The following KIAA1217 variants were observed in gnomAD, a reference collection of about 807,000 sequenced individuals.
KIAA1217 encodes the protein sickle tail protein homolog.
Under a neutral mutation model 163.9 loss-of-function variants are expected in KIAA1217, and 88 were observed. The ratio of observed to expected loss-of-function variants is 0.54; its 90% CI spans 0.45 to 0.64. KIAA1217 has a LOEUF of 0.64. Among genes scored for constraint, KIAA1217 ranks in the 30% least tolerant of loss-of-function variants. KIAA1217 has a pLI of 0.00. For missense variants in KIAA1217, 2,372 were observed against 2,475.0 expected (o/e 0.96, Z 0.88); for synonymous variants, 903 against 923.1 (o/e 0.98, Z 0.39).
chr10:24,544,279 A>G lies in KIAA1217; in HGVS notation c.5009A>G (p.Glu1670Gly). The stretch of plus-strand genomic sequence containing the variant: ...ACCTACAGAACATTGGATAGCCTGG[A>G]GCAGACCATTAAACAGCTCGAAAAT... ...KNTYRTLDSLEQTIKQLENTI... is the reference protein window; with the variant it reads ...KNTYRTLDSLGQTIKQLENTI... The change falls in exon 19 of 21, where the codon GAG becomes GGG. Residue 1670 changes from glutamate to glycine, a missense_variant. Coordinates refer to ENST00000376454, the MANE Select transcript of KIAA1217 (RefSeq NM_019590.5). The G allele has an allele frequency of 6.2e-7, 1 of 1,614,172 alleles. No individual in the cohort carries two copies. The highest frequency in any genetic ancestry group is 8.5e-7 in the Non-Finnish European group (1 of 1,180,050).
chr10:24,056,243 G>A (rs1025817199), intron 2 of KIAA1217, among the ~76,000 whole-genome samples: 2 of 152,026 alleles, frequency 1.3e-5, no homozygotes, highest in Non-Finnish European at 2.9e-5. Context: ...TGGGAGGATC[G>A]CTTGAGCCTG....
At chr10:24,019,830 A>G (rs1202957888) in intron 2 of KIAA1217, among the ~76,000 whole-genome samples, 12 of 152,196 alleles carry the variant, frequency 7.9e-5, no homozygotes, top group African/African-American at 2.9e-4. Context: ...AAGATAATCT[A>G]AAAAATAAAA....
At chr10:23,827,824 A>G (rs1188893914) in intron 1 of KIAA1217, among the ~76,000 whole-genome samples, 1 of 152,166 alleles carries the variant, frequency 6.6e-6, no homozygotes. Context: ...TGACAACAAG[A>G]CAAAGACAAA....
intron 2 of KIAA1217, among the ~76,000 whole-genome samples, chr10:24,365,336 C>T (rs1011480854): frequency 6.6e-6 from 1 of 152,050 alleles, no homozygotes; most frequent in African/African-American, 2.4e-5. Flanking sequence ...CTGTGGTTGT[C>T]CTGGTTCTCC....
intron 3 of KIAA1217, among the ~76,000 whole-genome samples, chr10:24,397,588 C>G (rs1318375149): frequency 6.6e-6 from 1 of 152,102 alleles, no homozygotes; most frequent in Non-Finnish European, 1.5e-5. Flanking sequence ...AAGATCTTAT[C>G]TGGATAACTG....
chr10:24,218,337 C>T (rs896848747), intron 1 of KIAA1217, among the ~76,000 whole-genome samples: 1 of 152,148 alleles, frequency 6.6e-6, no homozygotes, highest in Admixed American at 6.6e-5. Context: ...CAGAAACCAA[C>T]TTGTCCCTTC....
intron 2 of KIAA1217, among the ~76,000 whole-genome samples, chr10:24,221,432 T>G (rs1253653574): frequency 2.6e-5 from 4 of 152,212 alleles, no homozygotes; most frequent in Admixed American, 2.6e-4. Context: ...GTTTTAAGTC[T>G]GCTGTCTTCC....
chr10:24,392,255 G>C (rs868123177), intron 3 of KIAA1217, among the ~76,000 whole-genome samples: 28 of 150,878 alleles, frequency 1.9e-4, no homozygotes, highest in Admixed American at 4.6e-4. Flanking sequence ...AAAAAAAAAA[G>C]TTTTAAGGCA....
intron 2 of KIAA1217, among the ~76,000 whole-genome samples, chr10:24,105,326 C>G (rs1441712853): frequency 6.6e-6 from 1 of 152,196 alleles, no homozygotes; most frequent in Admixed American, 6.5e-5. Context: ...TATAAAGACT[C>G]AGCCATCAGG....
intron 1 of KIAA1217, among the ~76,000 whole-genome samples, chr10:23,822,300 G>A (rs536107000): frequency 3.9e-5 from 6 of 152,150 alleles, no homozygotes; most frequent in Non-Finnish European, 8.8e-5. Flanking sequence ...TCAAGGGGCT[G>A]TGCTACCTAG....
At chr10:24,043,234 C>T (rs1049020248) in intron 2 of KIAA1217, among the ~76,000 whole-genome samples, 2 of 152,118 alleles carry the variant, frequency 1.3e-5, no homozygotes, top group South Asian at 4.1e-4. Flanking sequence ...ATTTATAATA[C>T]TTACTTTAAT....
chr10:24,101,366 A>G (rs2062407781), intron 2 of KIAA1217, among the ~76,000 whole-genome samples: 1 of 151,850 alleles, frequency 6.6e-6, no homozygotes, highest in Non-Finnish European at 1.5e-5. Context: ...TAAGACATTT[A>G]AATAATGTAA....
At chr10:23,888,687 T>A (rs1444818647) in intron 1 of KIAA1217, among the ~76,000 whole-genome samples, 1 of 151,918 alleles carries the variant, frequency 6.6e-6, no homozygotes, top group African/African-American at 2.4e-5. Flanking sequence ...TTCTGCTAAT[T>A]GTAAATTAGT....
At chr10:24,085,897 G>A (rs917303611) in intron 2 of KIAA1217, among the ~76,000 whole-genome samples, 3 of 151,970 alleles carry the variant, frequency 2.0e-5, no homozygotes, top group African/African-American at 7.3e-5. Flanking sequence ...CACTTAAGCA[G>A]AGGAGGTTGA....
rs531368867 is a variant in KIAA1217, at chr10:24,199,666, T to C, written c.-170-19960T>C. 1.1e-4 allele frequency among the ~76,000 whole-genome samples: 16 copies of C among 152,350 alleles called. No individual in the cohort carries two copies. The South Asian group carries it at 3.3e-3, about 32-fold the overall frequency. On this transcript the variant is annotated intron_variant, in intron 2 of 18. Transcript: ENST00000376462. The stretch of plus-strand genomic sequence containing the variant: ...TTTTTAACTATGGAATTGAAACCTT[T>C]GAAAAGATAAGACAAAGCTGTGTGT...
intron 9 of KIAA1217, 89 bp downstream of exon 9, chr10:24,501,634 A>G: frequency 8.3e-7 from 1 of 1,209,316 alleles, no homozygotes; most frequent in Non-Finnish European, 1.2e-6. Context: ...GACCTAGAGA[A>G]TGTAGAACCA....
At position 24,447,187 on chromosome 10, in the gene KIAA1217, C is replaced by T. The variant is rs186661122; in HGVS notation, c.846+8708C>T. Among the ~76,000 whole-genome samples the T allele has an allele frequency of 2.8e-3, 431 of 152,110 alleles. 4 individuals are homozygous for T. The highest frequency in any genetic ancestry group is 0.024 in the Middle Eastern group (7 of 294). On this transcript the variant is annotated intron_variant, in intron 5 of 20. Coordinates refer to ENST00000376454, the MANE Select transcript of KIAA1217 (RefSeq NM_019590.5). ...GAGTTATTGATGCACGCTTCTTTTTCTTTTCCTTTCACCATTTTATTCTTT... is the reference window on the plus strand; with the variant it reads ...GAGTTATTGATGCACGCTTCTTTTTTTTTTCCTTTCACCATTTTATTCTTT...
chr10:23,892,190 TAAAA>T (rs1261891819), intron 1 of KIAA1217, among the ~76,000 whole-genome samples: 2 of 151,930 alleles, frequency 1.3e-5, no homozygotes, highest in East Asian at 3.9e-4. Context: ...TAATCAAAAT[TAAAA>T]GAAGGGAAAA....
intron 1 of KIAA1217, among the ~76,000 whole-genome samples, chr10:23,833,638 C>A (rs981963714): frequency 6.6e-5 from 10 of 151,976 alleles, no homozygotes; most frequent in African/African-American, 2.4e-4. Flanking sequence ...TTCTTGTTTA[C>A]AGTTTCAATA....
Sources: allele counts gnomAD v4.1 joint callset (sites outside exome capture counted in the v4.1 genomes callset), GRCh38; gene constraint gnomAD v4.1.1; transcripts MANE v1.5; gene names NCBI Gene and HGNC (gene_info 2026-07-23, HGNC 2026-07-21).